Variants in PACRG observed in about 807,000 individuals in gnomAD.
PACRG encodes the protein parkin coregulated, also known as parkin coregulated gene protein.
Under a neutral mutation model 29.7 loss-of-function variants are expected in PACRG, and 29 were observed. The observed-to-expected ratio is 0.98, with a 90% CI of 0.73 to 1.33. The LOEUF (loss-of-function observed/expected upper bound fraction) is 1.33, where lower values mean the gene tolerates loss of function less well. Among genes scored for constraint, PACRG ranks in the 40% most tolerant of loss-of-function variants. The pLI, the probability that PACRG is intolerant of heterozygous loss-of-function variation, is 0.00. For synonymous variants in PACRG, 116 were observed against 118.7 expected, an observed-to-expected ratio of 0.98 and a Z score of 0.15; for missense variants, 279 against 316.2, an observed-to-expected ratio of 0.88 and a Z score of 0.89.
Position 163,217,599 on chromosome 6 carries a change from A to G in PACRG, c.614-97228A>G, listed in dbSNP as rs181627913. 2.6e-5 allele frequency among the ~76,000 whole-genome samples: 4 copies of G among 152,316 alleles called. No homozygotes were observed. In the South Asian group the frequency reaches 6.2e-4, roughly 24 times the overall value. On this transcript the variant is annotated intron_variant, in intron 4 of 4. Transcript: ENST00000366888. Reference sequence around the variant, plus strand: ...CTCTGTTAGGAAGCAGCTGCACAGCAGGAGGTGAGCAGTGGGCAGGTGAGC... The same window carrying G: ...CTCTGTTAGGAAGCAGCTGCACAGCGGGAGGTGAGCAGTGGGCAGGTGAGC...
intron 2 of PACRG, among the ~76,000 whole-genome samples, chr6:163,013,550 A>G (rs111616933): frequency 0.013 from 1,990 of 152,200 alleles, 41 homozygotes; most frequent in African/African-American, 0.044. Context: ...TATGTTTTGG[A>G]TGTCCTTCTA....
intron 2 of PACRG, among the ~76,000 whole-genome samples, chr6:162,936,559 T>G (rs939567007): frequency 2.6e-5 from 4 of 152,148 alleles, no homozygotes; most frequent in African/African-American, 9.7e-5. Flanking sequence ...TACTGAATCT[T>G]GCCAAACACA....
At chr6:162,765,489 C>G (rs1782711015) in intron 1 of PACRG, among the ~76,000 whole-genome samples, 1 of 152,124 alleles carries the variant, frequency 6.6e-6, no homozygotes, top group Non-Finnish European at 1.5e-5. Flanking sequence ...TGCTGATCCA[C>G]TTGACCGGTG....
intron 1 of PACRG, among the ~76,000 whole-genome samples, chr6:162,772,866 A>T (rs1329109186): frequency 6.6e-6 from 1 of 152,236 alleles, no homozygotes; most frequent in Non-Finnish European, 1.5e-5. Context: ...TTGGATATGT[A>T]GACAGAAGAA....
At chr6:162,912,196 G>C (rs182756818) in intron 2 of PACRG, among the ~76,000 whole-genome samples, 1 of 152,310 alleles carries the variant, frequency 6.6e-6, no homozygotes, top group Admixed American at 6.5e-5. Context: ...GTACTCCCTA[G>C]TATATTTCCA....
chr6:162,908,450 T>C (rs908687601), intron 2 of PACRG, among the ~76,000 whole-genome samples: 1 of 152,220 alleles, frequency 6.6e-6, no homozygotes, highest in African/African-American at 2.4e-5. Context: ...CCTTCAGGCA[T>C]GGCCTATTCC....
chr6:162,930,179 G>A (rs146713178), intron 2 of PACRG, among the ~76,000 whole-genome samples: 1 of 151,974 alleles, frequency 6.6e-6, no homozygotes, highest in East Asian at 1.9e-4. Flanking sequence ...TTTGTATGTT[G>A]CTTTGGGTGG....
At chr6:162,882,367 C>T (rs917307249) in intron 2 of PACRG, among the ~76,000 whole-genome samples, 14 of 150,790 alleles carry the variant, frequency 9.3e-5, no homozygotes, top group African/African-American at 3.4e-4. Flanking sequence ...CCACCAATAC[C>T]AGAGACCTGG....
At chr6:163,021,415 T>G (rs535603567) in intron 2 of PACRG, among the ~76,000 whole-genome samples, 2 of 152,242 alleles carry the variant, frequency 1.3e-5, no homozygotes, top group South Asian at 4.2e-4. Flanking sequence ...TTCCTTCTGT[T>G]TCCTAAATGT....
intron 4 of PACRG, among the ~76,000 whole-genome samples, chr6:163,205,213 C>A (rs368710914): frequency 6.6e-6 from 1 of 152,134 alleles, no homozygotes. Context: ...TTAGAAAAAA[C>A]AATTTTAAAA....
At chr6:163,271,047 A>T (rs1202119818) in intron 4 of PACRG, among the ~76,000 whole-genome samples, 1 of 152,122 alleles carries the variant, frequency 6.6e-6, no homozygotes, top group Non-Finnish European at 1.5e-5. Context: ...CCAAAACCTT[A>T]AAAGTAGGGA....
intron 2 of PACRG, among the ~76,000 whole-genome samples, chr6:162,894,307 A>ATAAATATAGACAG (rs1795001776): frequency 6.6e-6 from 1 of 152,222 alleles, no homozygotes; most frequent in African/African-American, 2.4e-5. Context: ...CAGATGGAAA[A>ATAAATATAGACAG]ATGCTGATAA....
chr6:163,266,654 T>C (rs1783536248), intron 4 of PACRG, among the ~76,000 whole-genome samples: 1 of 152,232 alleles, frequency 6.6e-6, no homozygotes, highest in Non-Finnish European at 1.5e-5. Flanking sequence ...GACAAAATTC[T>C]GTGACTTTTG....
At chr6:162,732,820 G>C (rs1388591285) in intron 1 of PACRG, among the ~76,000 whole-genome samples, 1 of 152,078 alleles carries the variant, frequency 6.6e-6, no homozygotes, top group Admixed American at 6.6e-5. Context: ...ACTATTCAGA[G>C]CTTTTGGAGC....
chr6:162,860,997 T>G (rs1035750152), intron 2 of PACRG, among the ~76,000 whole-genome samples: 11 of 152,170 alleles, frequency 7.2e-5, no homozygotes, highest in Non-Finnish European at 1.0e-4. Flanking sequence ...GCAGATAAGG[T>G]GAGGCCTCTT....
chr6:163,080,927 G>T (rs1404640017), intron 3 of PACRG, among the ~76,000 whole-genome samples: 1 of 151,916 alleles, frequency 6.6e-6, no homozygotes, highest in East Asian at 1.9e-4. Flanking sequence ...ATGAATTAAA[G>T]AAAAAAATGT....
At chr6:162,778,598 T>C (rs569931183) in intron 1 of PACRG, among the ~76,000 whole-genome samples, 60 of 152,318 alleles carry the variant, frequency 3.9e-4, no homozygotes, top group African/African-American at 1.4e-3. Context: ...AATACCTTGT[T>C]GAAGATGAAG....
intron 4 of PACRG, chr6:163,310,358 C>T (rs1161292135): frequency 6.6e-6 from 1 of 152,212 alleles, no homozygotes. Flanking sequence ...GACATACTTC[C>T]ATGGAGGAGA....
chr6:163,218,544 C>A lies in PACRG; in HGVS notation c.614-96283C>A, dbSNP rs544315821. Among the ~76,000 whole-genome samples, 11 of 152,306 alleles carry A rather than the reference C, an allele frequency of 7.2e-5. No individual in the cohort carries two copies. The South Asian group carries it at 1.5e-3, about 20-fold the overall frequency. On this transcript the variant is annotated intron_variant, in intron 4 of 4. Coordinates refer to ENST00000366888, the MANE Select transcript of PACRG (RefSeq NM_001080379.2). The stretch of plus-strand genomic sequence containing the variant: ...ACCCACTCCAGTTATCTTCTGTCTC[C>A]TTCTCTCCATTGAAATGCCTCATGT...
Sources: gnomAD v4.1 joint callset for allele counts (sites outside exome capture counted in the v4.1 genomes callset) on GRCh38, gnomAD v4.1.1 for gene constraint, MANE v1.5 for transcripts, NCBI Gene and HGNC (gene_info 2026-07-23, HGNC 2026-07-21) for gene names.